Variants in SYNE1 observed in about 807,000 individuals in gnomAD.
The protein encoded by SYNE1 is nesprin-1.
Under a neutral mutation model 1,111.0 loss-of-function variants are expected in SYNE1, and 616 were observed. The observed-to-expected ratio is 0.55, with a 90% CI of 0.52 to 0.59. SYNE1 has a LOEUF of 0.59. Among genes scored for constraint, SYNE1 ranks in the 20% least tolerant of loss-of-function variants. The pLI is 0.00. For synonymous variants in SYNE1, 3,855 were observed against 3,825.8 expected (o/e 1.01, Z -0.28); for missense variants, 10,006 against 10,417.0 (o/e 0.96, Z 1.72).
At chr6:152,577,775 GTTTTGT>G (rs554596479) in intron 3 of SYNE1, among the ~76,000 whole-genome samples, 369 of 136,706 alleles carry the variant, frequency 2.7e-3, no homozygotes, top group African/African-American at 0.011. Context: ...TGAGTTTTCT[GTTTTGT>G]TTTTTTTTTT....
chr6:152,632,915 G>A (rs1244114323), intron 2 of SYNE1, among the ~76,000 whole-genome samples: 2 of 152,058 alleles, frequency 1.3e-5, no homozygotes, highest in Non-Finnish European at 2.9e-5. Flanking sequence ...ATGAGAGACG[G>A]CCCTAAAATG....
At chr6:152,413,062 G>T (rs116999368) in intron 42 of SYNE1, among the ~76,000 whole-genome samples, 236 of 152,178 alleles carry the variant, frequency 1.6e-3, no homozygotes, top group Admixed American at 2.3e-3. Flanking sequence ...ATTTGGCCAG[G>T]ATGGTCTTGA....
Position 152,325,200 on chromosome 6 carries a change from G to C in SYNE1, c.15541C>G (p.Leu5181Val). Residue 5181 changes from leucine to valine, a missense_variant, in exon 81 of 146, where the codon CTG becomes GTG. Coordinates refer to ENST00000367255, the MANE Select transcript of SYNE1 (RefSeq NM_182961.4). ...CAGACGGTGGTCATTGACCTGCTCA[G>C]GGTGGCTTTGCTGGCATCATTTCCG... ...KTGNDASKATLSRSMTTVWQR... is the reference protein window; with the variant it reads ...KTGNDASKATVSRSMTTVWQR... The C allele has an allele frequency of 6.2e-7, 1 of 1,614,136 alleles. No homozygotes were observed. Among genetic ancestry groups the C allele is most frequent in the Non-Finnish European group, 8.5e-7 (1 of 1,180,048 alleles).
At chr6:152,608,627 T>C (rs536366661) in intron 3 of SYNE1, among the ~76,000 whole-genome samples, 2 of 152,306 alleles carry the variant, frequency 1.3e-5, no homozygotes, top group South Asian at 4.1e-4. Context: ...GGAACCTCAG[T>C]TACTTGTCTT....
At chr6:152,538,161 A>G (rs1031615673) in intron 4 of SYNE1, among the ~76,000 whole-genome samples, 9 of 152,332 alleles carry the variant, frequency 5.9e-5, no homozygotes, top group African/African-American at 2.2e-4. Flanking sequence ...TATTAAAATC[A>G]TAATTGTGCA....
intron 48 of SYNE1, among the ~76,000 whole-genome samples, chr6:152,399,048 A>C (rs530428276): frequency 1.3e-5 from 2 of 152,190 alleles, no homozygotes; most frequent in African/African-American, 4.8e-5. Flanking sequence ...GAATATGTAA[A>C]AAGTGCAAGG....
rs756753302 is a variant in SYNE1 at position 152,268,107 on chromosome 6, C to G, written c.18764G>C (p.Gly6255Ala). 5 of 1,614,144 alleles carry G rather than the reference C, an allele frequency of 3.1e-6. No individual in the cohort carries two copies. The highest frequency in any genetic ancestry group is 4.2e-6 in the Non-Finnish European group (5 of 1,180,000). The change falls in exon 100 of 146, where the codon GGA becomes GCA. Residue 6255 changes from glycine to alanine, a missense_variant. Physicochemically the swap from Gly to Ala is moderately conservative, Grantham distance 60. This residue lies in a region of SYNE1 where 2,182 missense variants were observed against 2,287.8 expected (regional missense o/e 0.95). Transcript: ENST00000367255. ...KSLLRSVASR[G>A]EEILIQHSAA... ...CGAATGTTGAATTAGAATCTCCTCTCCACGACTGGCTACTGAGCGAAGGAG... is the reference window on the plus strand; with the variant it reads ...CGAATGTTGAATTAGAATCTCCTCTGCACGACTGGCTACTGAGCGAAGGAG...
chr6:152,567,923 A>G (rs773441999), intron 3 of SYNE1, among the ~76,000 whole-genome samples: 5 of 152,230 alleles, frequency 3.3e-5, no homozygotes, highest in Non-Finnish European at 7.3e-5. Flanking sequence ...GCAATGAAAT[A>G]CACAGTCCAG....
At chr6:152,199,877 A>G (rs2075044473) in intron 127 of SYNE1, among the ~76,000 whole-genome samples, 1 of 152,242 alleles carries the variant, frequency 6.6e-6, no homozygotes, top group African/African-American at 2.4e-5. Flanking sequence ...AAATCTACAC[A>G]CTCAATAGCA....
intron 127 of SYNE1, among the ~76,000 whole-genome samples, chr6:152,195,443 T>C (rs2813533): frequency 0.28 from 43,146 of 152,166 alleles, 6,948 homozygotes; most frequent in Middle Eastern, 0.45. Flanking sequence ...TAGGAAGGTT[T>C]TCCAGGTATT....
At chr6:152,488,276 T>G in intron 12 of SYNE1, 120 bp downstream of exon 12, 1 of 620,718 alleles carries the variant, frequency 1.6e-6, no homozygotes, top group East Asian at 2.8e-5. Context: ...ATGAATGTTA[T>G]GTCTTTAAAG....
chr6:152,191,574 A>G (rs1295130434), intron 127 of SYNE1, among the ~76,000 whole-genome samples: 1 of 152,182 alleles, frequency 6.6e-6, no homozygotes, highest in Non-Finnish European at 1.5e-5. Context: ...AGTTGCTCAT[A>G]AAAGCCGCTA....
rs145098375 is a variant in SYNE1 at position 152,176,566 on chromosome 6, T to G, written c.23461-6A>C. ...GCAATTTCCTCTTGATAATCCTGTG[T>G]AATAAATAGCAATCACAGAGGTCAG... is the stretch of plus-strand genomic sequence containing the variant. On this transcript the variant is annotated splice_region_variant and splice_polypyrimidine_tract_variant and intron_variant, in intron 129 of 145. Transcript: ENST00000367255. The G allele has an allele frequency of 3.0e-4, 487 of 1,613,896 alleles. 1 individual carries two copies. In the African/African-American group the frequency reaches 6.0e-3, roughly 20 times the overall value.
intron 21 of SYNE1, among the ~76,000 whole-genome samples, chr6:152,459,985 G>C (rs916244241): frequency 6.6e-6 from 1 of 151,902 alleles, no homozygotes; most frequent in Non-Finnish European, 1.5e-5. Flanking sequence ...ACAAGACTCT[G>C]ATATAATTAC....
At position 152,237,840 on chromosome 6, in the gene SYNE1, G is replaced by C. The variant is rs147637523; in HGVS notation, c.20068-892C>G. Among the ~76,000 whole-genome samples the C allele has an allele frequency of 5.3e-5, 8 of 152,258 alleles. No individual in the cohort carries two copies. The East Asian group carries it at 1.5e-3, about 29-fold the overall frequency. On this transcript the variant is annotated intron_variant, in intron 108 of 145. Transcript: ENST00000367255. Reference sequence around the variant, plus strand: ...TAAAACTGGAAAACACTTTTTAAAAGATCAGTTGAAGTCTTTTCCAGTAAT... The same window carrying C: ...TAAAACTGGAAAACACTTTTTAAAACATCAGTTGAAGTCTTTTCCAGTAAT...
chr6:152,164,458 G>C, intron 130 of SYNE1, 133 bp from the exon 131 acceptor site: 1 of 1,025,872 alleles, frequency 9.7e-7, no homozygotes, highest in Non-Finnish European at 1.4e-6. Flanking sequence ...AGAAGCCAAA[G>C]ACAGAAGACA....
intron 3 of SYNE1, among the ~76,000 whole-genome samples, chr6:152,625,211 G>T (rs533167320): frequency 1.3e-5 from 2 of 152,170 alleles, no homozygotes; most frequent in Non-Finnish European, 2.9e-5. Context: ...CTTGTTTGGA[G>T]GTTCCAGCAG....
At chr6:152,374,993 T>C (rs909847404) in intron 58 of SYNE1, among the ~76,000 whole-genome samples, 5 of 151,926 alleles carry the variant, frequency 3.3e-5, no homozygotes, top group African/African-American at 1.2e-4. Flanking sequence ...CAGGCTGGAG[T>C]GCAGTGGCGC....
chr6:152,512,950 G>A (rs1171153204), intron 6 of SYNE1, among the ~76,000 whole-genome samples: 1 of 152,224 alleles, frequency 6.6e-6, no homozygotes, highest in East Asian at 1.9e-4. Flanking sequence ...AACCAGAGCA[G>A]AAGGATGTTG....
Sources: gnomAD v4.1 joint callset for allele counts (sites outside exome capture counted in the v4.1 genomes callset) on GRCh38, gnomAD v4.1.1 for gene constraint, gnomAD v4.1.1 regional missense constraint, MANE v1.5 for transcripts, NCBI Gene and HGNC (gene_info 2026-07-23, HGNC 2026-07-21) for gene names.